Variants in PSKH1 observed in about 807,000 individuals in gnomAD.
The protein encoded by PSKH1 is serine/threonine-protein kinase H1.
In PSKH1, 12 loss-of-function variants were observed where a neutral mutation model predicts 26.7. That is an observed-to-expected ratio of 0.45 (90% CI 0.29 to 0.73). PSKH1 has a LOEUF of 0.73. Among genes scored for constraint, PSKH1 ranks in the 30% least tolerant of loss-of-function variants. The pLI, the probability that PSKH1 is intolerant of heterozygous loss-of-function variation, is 0.11. For synonymous variants in PSKH1, 213 were observed against 234.3 expected, an observed-to-expected ratio of 0.91 and a Z score of 0.83; for missense variants, 431 against 595.2, an observed-to-expected ratio of 0.72 and a Z score of 2.87.
At chr16:67,905,224 C>T (rs552956838) in intron 1 of PSKH1, among the ~76,000 whole-genome samples, 150 of 152,272 alleles carry the variant, frequency 9.9e-4, no homozygotes, top group African/African-American at 3.4e-3. Context: ...TAAACCCTTT[C>T]GTAGCTCTCC....
At chr16:67,908,532 G>C in intron 1 of PSKH1, 148 bp from the exon 2 acceptor site, 1 of 481,688 alleles carries the variant, frequency 2.1e-6, no homozygotes, top group Non-Finnish European at 3.7e-6. Flanking sequence ...GCTTCCCAAG[G>C]TGTTGGGATT....
chr16:67,902,416 T>A (rs2058144574), intron 1 of PSKH1, among the ~76,000 whole-genome samples: 1 of 152,076 alleles, frequency 6.6e-6, no homozygotes, highest in African/African-American at 2.4e-5. Flanking sequence ...TACCTCAGCC[T>A]CCTGAGCAGC....
At chr16:67,904,967 C>T (rs1251431129) in intron 1 of PSKH1, among the ~76,000 whole-genome samples, 1 of 152,002 alleles carries the variant, frequency 6.6e-6, no homozygotes, top group Non-Finnish European at 1.5e-5. Flanking sequence ...GCTGAGACTA[C>T]AGGCACCCAC....
At chr16:67,921,273 C>CA in intron 2 of PSKH1, among the ~76,000 whole-genome samples, 1 of 148,484 alleles carries the variant, frequency 6.7e-6, no homozygotes, top group East Asian at 2.0e-4. Context: ...AACTCCGTCT[C>CA]AAAAAAAGAA....
chr16:67,895,836 T>C (rs2058124944), intron 1 of PSKH1, among the ~76,000 whole-genome samples: 1 of 152,222 alleles, frequency 6.6e-6, no homozygotes, highest in Non-Finnish European at 1.5e-5. Flanking sequence ...TGGACTCCTG[T>C]TGTGGTCTCA....
intron 1 of PSKH1, among the ~76,000 whole-genome samples, chr16:67,893,839 TTGCTTGCTTGGCAAGCTTGTC>T (rs2058118955): frequency 6.6e-6 from 1 of 152,336 alleles, no homozygotes; most frequent in South Asian, 2.1e-4. Flanking sequence ...TCCAGCTGGG[TTGCTTGCTTGGCAAGCTTGTC>T]ATTCCTCTAC....
At chr16:67,904,441 T>A (rs994836110) in intron 1 of PSKH1, among the ~76,000 whole-genome samples, 86 of 152,030 alleles carry the variant, frequency 5.7e-4, no homozygotes, top group Non-Finnish European at 1.6e-4. Context: ...CCTGACCTTG[T>A]GATCCGCCCA....
At chr16:67,912,365 G>A (rs1429117621) in intron 2 of PSKH1, among the ~76,000 whole-genome samples, 1 of 152,226 alleles carries the variant, frequency 6.6e-6, no homozygotes, top group African/African-American at 2.4e-5. Flanking sequence ...ATCATGGCAA[G>A]TGTGAGCTTT....
At chr16:67,895,995 G>A (rs1443981013) in intron 1 of PSKH1, among the ~76,000 whole-genome samples, 1 of 152,094 alleles carries the variant, frequency 6.6e-6, no homozygotes, top group African/African-American at 2.4e-5. Flanking sequence ...GGAGTGAGAT[G>A]GTACATATAA....
intron 1 of PSKH1, among the ~76,000 whole-genome samples, chr16:67,898,531 G>C (rs2058132824): frequency 6.6e-6 from 1 of 152,032 alleles, no homozygotes; most frequent in Middle Eastern, 3.4e-3. Context: ...GATTATAGTT[G>C]TGTGCCACTG....
chr16:67,909,781 C>A lies in PSKH1; in HGVS notation c.957+75C>A. 7.3e-7 allele frequency: 1 copy of A among 1,360,570 alleles called. No homozygotes were observed. The highest frequency in any genetic ancestry group is 1.0e-6 in the Non-Finnish European group (1 of 984,272). 84.3% of individuals were successfully genotyped at this position (1,360,570 alleles called of 1,614,324 possible). A position where few individuals can be genotyped will look rare whatever the true frequency, so the allele number is the denominator to read the frequency against. The stretch of plus-strand genomic sequence containing the variant: ...GCAGGTATATCCTGCAGCTCTCAGT[C>A]AGAGGTATGTCCTCAGGGCCATGCT... On this transcript the variant is annotated intron_variant, in intron 2 of 2. Coordinates refer to ENST00000291041, the MANE Select transcript of PSKH1 (RefSeq NM_006742.3). This position sits in a 1 kb window ranked among gnomAD's most constrained non-coding sequence, Gnocchi z 7.8.
chr16:67,915,945 A>G (rs1444532499), intron 2 of PSKH1, among the ~76,000 whole-genome samples: 5 of 152,190 alleles, frequency 3.3e-5, no homozygotes, highest in Non-Finnish European at 5.9e-5. Flanking sequence ...AGAAGGAACT[A>G]GAATAGGGAA....
chr16:67,918,464 G>A (rs1036692969), intron 2 of PSKH1, among the ~76,000 whole-genome samples: 2 of 152,062 alleles, frequency 1.3e-5, no homozygotes, highest in Admixed American at 6.6e-5. Context: ...CCACTCTGCT[G>A]CTACCTGGGT....
intron 1 of PSKH1, among the ~76,000 whole-genome samples, chr16:67,898,323 T>G (rs1448199360): frequency 6.6e-6 from 1 of 152,002 alleles, no homozygotes; most frequent in Admixed American, 6.6e-5. Flanking sequence ...GAGAACCGCT[T>G]GAACCTGGGA....
chr16:67,913,373 C>G (rs1598190902), intron 2 of PSKH1, among the ~76,000 whole-genome samples: 1 of 152,142 alleles, frequency 6.6e-6, no homozygotes, highest in African/African-American at 2.4e-5. Flanking sequence ...GTCTCAAACT[C>G]CTGACCTCAG....
intron 1 of PSKH1, among the ~76,000 whole-genome samples, chr16:67,902,499 T>G (rs1304379420): frequency 1.3e-5 from 2 of 151,986 alleles, no homozygotes; most frequent in African/African-American, 4.8e-5. Context: ...GTTTCACCCA[T>G]GTTGGTCAGG....
chr16:67,895,543 G>T (rs1001354043), intron 1 of PSKH1, among the ~76,000 whole-genome samples: 1 of 151,880 alleles, frequency 6.6e-6, no homozygotes, highest in Non-Finnish European at 1.5e-5. Context: ...CGAGTAGCTG[G>T]GATTACAATC....
chr16:67,906,663 C>A (rs910721227), intron 1 of PSKH1, among the ~76,000 whole-genome samples: 8 of 152,120 alleles, frequency 5.3e-5, no homozygotes, highest in Non-Finnish European at 1.0e-4. Context: ...CCGGGCCCAG[C>A]CTGTGTGTCA....
intron 2 of PSKH1, among the ~76,000 whole-genome samples, chr16:67,916,721 T>C (rs188074294): frequency 8.2e-4 from 125 of 152,170 alleles, no homozygotes; most frequent in African/African-American, 2.8e-3. Flanking sequence ...CTGGGGATGT[T>C]TGGGGCAGAT....
Sources: allele counts gnomAD v4.1 joint callset (sites outside exome capture counted in the v4.1 genomes callset), GRCh38; gene constraint gnomAD v4.1.1; non-coding constraint Gnocchi (gnomAD v3.1); transcripts MANE v1.5; gene names NCBI Gene and HGNC (gene_info 2026-07-23, HGNC 2026-07-21).